Variants in ATP1B3 observed in about 807,000 individuals in gnomAD.
ATP1B3 encodes the protein ATPase Na+/K+ transporting subunit beta 3.
ATP1B3 carries 10 observed loss-of-function variants against 30.2 expected under a neutral mutation model. The observed-to-expected ratio is 0.33, with a 90% CI of 0.20 to 0.56. The LOEUF is 0.56. Among genes scored for constraint, ATP1B3 ranks in the 20% least tolerant of loss-of-function variants. The pLI, the probability that ATP1B3 is intolerant of heterozygous loss-of-function variation, is 0.90. For missense variants in ATP1B3, 238 were observed against 336.7 expected (o/e 0.71, Z 2.29); for synonymous variants, 113 against 117.0 (o/e 0.97, Z 0.22).
At chr3:141,925,324 G>C in intron 6 of ATP1B3, among the ~76,000 whole-genome samples, 1 of 152,128 alleles carries the variant, frequency 6.6e-6, no homozygotes, top group African/African-American at 2.4e-5. Flanking sequence ...TTAGTGGGCT[G>C]TGGCGGCATG....
intron 1 of ATP1B3, among the ~76,000 whole-genome samples, chr3:141,879,865 A>AT (rs946177340): frequency 7.0e-5 from 5 of 71,852 alleles, no homozygotes; most frequent in Non-Finnish European, 1.5e-4. Flanking sequence ...CATTTTGCAA[A>AT]TTTTTTTTCT....
intron 2 of ATP1B3, among the ~76,000 whole-genome samples, chr3:141,905,618 T>C (rs1271146618): frequency 6.6e-6 from 1 of 152,224 alleles, no homozygotes; most frequent in East Asian, 1.9e-4. Context: ...AATAACTCTT[T>C]TAAAACTCTT....
At chr3:141,921,954 ATT>A in intron 5 of ATP1B3, 21 bp from the exon 6 acceptor site, 1 of 1,345,732 alleles carries the variant, frequency 7.4e-7, no homozygotes, top group Non-Finnish European at 1.0e-6. Context: ...CCTAAAGAGG[ATT>A]TCTTTTGTTT....
At chr3:141,919,159 T>C (rs1381941625) in intron 5 of ATP1B3, 2 of 152,280 alleles carry the variant, frequency 1.3e-5, no homozygotes, top group Non-Finnish European at 2.9e-5. Context: ...TCTTTAGTTC[T>C]TTTATGTAAT....
intron 5 of ATP1B3, among the ~76,000 whole-genome samples, chr3:141,920,426 C>T (rs942189325): frequency 6.6e-6 from 1 of 152,010 alleles, no homozygotes; most frequent in African/African-American, 2.4e-5. Context: ...ATTCAGGAGG[C>T]TGAGACAGGA....
At chr3:141,914,499 A>T (rs1264374936) in intron 4 of ATP1B3, among the ~76,000 whole-genome samples, 1 of 152,188 alleles carries the variant, frequency 6.6e-6, no homozygotes, top group African/African-American at 2.4e-5. Flanking sequence ...AAGGAAGATG[A>T]TACGGCTTTT....
Position 141,922,042 on chromosome 3 carries a change from A to G in ATP1B3, c.648A>G (p.Pro216=). 6.5e-7 allele frequency: 1 copy of G among 1,537,686 alleles called. No individual in the cohort carries two copies. Among genetic ancestry groups the G allele is most frequent in the Non-Finnish European group, 8.9e-7 (1 of 1,127,388 alleles). ...HNGMIDLKYF[P]YYGKKLHVGY... ...GAATGATAGACTTAAAATATTTCCC[A>G]TATTATGGGAAAAAACTGCATGTAA... is the stretch of plus-strand genomic sequence containing the variant. Residue 216 remains proline (P), a synonymous_variant, in exon 6 of 7, where the codon CCA becomes CCG. Transcript: ENST00000286371.
rs1478311927 is a variant in ATP1B3, at chr3:141,926,371, G to C, written c.*670G>C. The C allele has an allele frequency of 1.3e-5, 2 of 151,780 alleles. No homozygotes were observed. Among genetic ancestry groups the C allele is most frequent in the Non-Finnish European group, 2.9e-5 (2 of 67,956 alleles). 9.4% of individuals were successfully genotyped at this position (151,780 alleles called of 1,614,324 possible). A position where few individuals can be genotyped will look rare whatever the true frequency, so the allele number is the denominator to read the frequency against. On this transcript the variant is annotated 3_prime_UTR_variant, in exon 7 of 7. Transcript: ENST00000286371. The stretch of plus-strand genomic sequence containing the variant: ...GGCTGTAGATAAAATAGCATTTTTA[G>C]GTTAGCCAGTGTGACTATGCACCTA...
rs200122403 is a variant in ATP1B3, at chr3:141,916,701, G to GA, written c.582+689dup. Reference sequence around the variant, plus strand: ...ACATTGAAATCACTTTTAAAGTTGTGAAAAAAAATTCTTTTTACTGTTAAT... The same window carrying GA: ...ACATTGAAATCACTTTTAAAGTTGTGAAAAAAAAATTCTTTTTACTGTTAAT... On this transcript the variant is annotated intron_variant, in intron 5 of 6. Coordinates refer to ENST00000286371, the MANE Select transcript of ATP1B3 (RefSeq NM_001679.4). 4.6e-4 allele frequency: 347 copies of GA among 755,426 alleles called. 1 individual carries two copies. The African/African-American group carries it at 5.6e-3, about 12-fold the overall frequency. 46.8% of individuals were successfully genotyped at this position (755,426 alleles called of 1,614,324 possible). A position where few individuals can be genotyped will look rare whatever the true frequency, so the allele number is the denominator to read the frequency against.
At chr3:141,910,700 C>G (rs1934342912) in intron 3 of ATP1B3, among the ~76,000 whole-genome samples, 1 of 152,108 alleles carries the variant, frequency 6.6e-6, no homozygotes, top group African/African-American at 2.4e-5. Context: ...CAGCCTTTTA[C>G]TCCCAACTGT....
At chr3:141,890,953 A>G (rs1933939935) in intron 1 of ATP1B3, among the ~76,000 whole-genome samples, 1 of 152,194 alleles carries the variant, frequency 6.6e-6, no homozygotes, top group Admixed American at 6.5e-5. Context: ...AATATTCTTT[A>G]TGGACTCATC....
intron 1 of ATP1B3, among the ~76,000 whole-genome samples, chr3:141,891,234 G>A (rs1477600948): frequency 1.3e-5 from 2 of 152,106 alleles, no homozygotes; most frequent in Non-Finnish European, 2.9e-5. Flanking sequence ...AGTAGGCTCT[G>A]TATTCGTGAT....
intron 6 of ATP1B3, among the ~76,000 whole-genome samples, chr3:141,925,272 G>C (rs545867173): frequency 6.6e-6 from 1 of 152,296 alleles, no homozygotes; most frequent in South Asian, 2.1e-4. Flanking sequence ...TTTGAGATTA[G>C]CCTGGGCAGG....
rs115885655 is a variant in ATP1B3 at position 141,901,447 on chromosome 3, G to A, written c.110-2173G>A. Among the ~76,000 whole-genome samples the A allele has an allele frequency of 6.9e-3, 1,048 of 152,284 alleles. 12 individuals carry two copies. The highest frequency in any genetic ancestry group is 0.024 in the African/African-American group (988 of 41,552). ...TTATATGTGAGACTGACTAGTTTAA[G>A]TTTTTAAAAATTAGATTTGGTTCTT... On this transcript the variant is annotated intron_variant, in intron 1 of 6. Transcript: ENST00000286371.
At chr3:141,918,059 C>T (rs373379267) in intron 5 of ATP1B3, among the ~76,000 whole-genome samples, 6 of 152,082 alleles carry the variant, frequency 3.9e-5, no homozygotes, top group African/African-American at 1.2e-4. Flanking sequence ...TGAGCCACCG[C>T]GCCCAGCTGA....
chr3:141,889,041 A>G (rs965987373), intron 1 of ATP1B3, among the ~76,000 whole-genome samples: 6 of 151,798 alleles, frequency 4.0e-5, no homozygotes, highest in African/African-American at 1.5e-4. Context: ...AAGGGAAAGC[A>G]AGGCACTTCT....
chr3:141,877,130 C>T (rs1330868460), intron 1 of ATP1B3, among the ~76,000 whole-genome samples: 2 of 150,732 alleles, frequency 1.3e-5, no homozygotes, highest in Admixed American at 6.6e-5. Context: ...GGCCCGCGGG[C>T]AGCCCGGCCG....
intron 1 of ATP1B3, among the ~76,000 whole-genome samples, chr3:141,886,129 G>A (rs1255300458): frequency 6.6e-6 from 1 of 152,182 alleles, no homozygotes; most frequent in Non-Finnish European, 1.5e-5. Flanking sequence ...GAAAGTTTAG[G>A]TAAGTTCCAG....
At chr3:141,908,080 T>A (rs1934294367) in intron 3 of ATP1B3, among the ~76,000 whole-genome samples, 1 of 150,198 alleles carries the variant, frequency 6.7e-6, no homozygotes, top group Non-Finnish European at 1.5e-5. Flanking sequence ...TTTTTTTTTT[T>A]TTTTTTTTTA....
Sources: allele counts gnomAD v4.1 joint callset (sites outside exome capture counted in the v4.1 genomes callset), GRCh38; gene constraint gnomAD v4.1.1; transcripts MANE v1.5; gene names NCBI Gene and HGNC (gene_info 2026-07-23, HGNC 2026-07-21).